The following DPP6 variants were observed in gnomAD, a reference collection of about 807,000 sequenced individuals.
DPP6 encodes the protein A-type potassium channel modulatory protein DPP6.
Under a neutral mutation model 122.6 loss-of-function variants are expected in DPP6, and 69 were observed. That is an observed-to-expected ratio of 0.56 (90% CI 0.46 to 0.69). DPP6 has a LOEUF of 0.69. Among genes scored for constraint, DPP6 ranks in the 30% least tolerant of loss-of-function variants. The pLI is 0.00. For synonymous variants in DPP6, 418 were observed against 433.1 expected, an observed-to-expected ratio of 0.97 and a Z score of 0.43; for missense variants, 928 against 1,116.9, an observed-to-expected ratio of 0.83 and a Z score of 2.41.
intron 1 of DPP6, among the ~76,000 whole-genome samples, chr7:154,433,135 A>ATT (rs1349065971): frequency 2.0e-5 from 2 of 97,836 alleles, no homozygotes; most frequent in African/African-American, 9.9e-5. Flanking sequence ...CTAGACTGCA[A>ATT]GTTTTTTTTT....
intron 5 of DPP6, among the ~76,000 whole-genome samples, chr7:154,630,433 G>A (rs1333578284): frequency 6.6e-6 from 1 of 152,226 alleles, no homozygotes; most frequent in Admixed American, 6.5e-5. Context: ...GGACAGTAAG[G>A]AAAATAAGCA....
chr7:154,456,160 G>A (rs542990202), intron 2 of DPP6, among the ~76,000 whole-genome samples: 4 of 152,170 alleles, frequency 2.6e-5, no homozygotes, highest in Admixed American at 6.5e-5. Context: ...TAAGCAGGTC[G>A]GGGAACTAGG....
At chr7:154,785,636 C>T (rs1722971830) in intron 10 of DPP6, among the ~76,000 whole-genome samples, 2 of 152,318 alleles carry the variant, frequency 1.3e-5, no homozygotes, top group African/African-American at 4.8e-5. Flanking sequence ...ACAGCAACTT[C>T]TGCATCTTTG....
chr7:153,789,775 G>T, the DPP6 span, among the ~76,000 whole-genome samples: 1 of 152,124 alleles, frequency 6.6e-6, no homozygotes, highest in Non-Finnish European at 1.5e-5. Flanking sequence ...CAACATAATT[G>T]CCTTTGTTAT....
intron 1 of DPP6, among the ~76,000 whole-genome samples, chr7:154,382,718 T>C (rs1244321293): frequency 6.6e-6 from 1 of 152,182 alleles, no homozygotes; most frequent in Non-Finnish European, 1.5e-5. Flanking sequence ...GTGGTATATA[T>C]TTTAGTATTC....
At chr7:154,515,753 C>T (rs928855938) in intron 3 of DPP6, among the ~76,000 whole-genome samples, 1 of 152,146 alleles carries the variant, frequency 6.6e-6, no homozygotes, top group Non-Finnish European at 1.5e-5. Context: ...GGATTACAGA[C>T]GTGAGCTATT....
Position 154,175,032 on chromosome 7 carries a change from G to GC in DPP6, c.243+121975dup, listed in dbSNP as rs568770629. 4.2e-3 allele frequency among the ~76,000 whole-genome samples: 632 copies of GC among 151,190 alleles called. 5 individuals carry two copies. The highest frequency in any genetic ancestry group is 7.1e-3 in the Non-Finnish European group (479 of 67,796). On this transcript the variant is annotated intron_variant, in intron 1 of 25. Coordinates refer to ENST00000377770, the MANE Select transcript of DPP6 (RefSeq NM_130797.4). Reference sequence around the variant, plus strand: ...GGGATTGCAGGCCCCTGCAACACGCGCCCCCCACCCCTGTCTAATTTTTGT... The same window carrying GC: ...GGGATTGCAGGCCCCTGCAACACGCGCCCCCCCACCCCTGTCTAATTTTTGT...
chr7:154,243,130 T>C (rs894792578), intron 1 of DPP6, among the ~76,000 whole-genome samples: 2 of 152,198 alleles, frequency 1.3e-5, no homozygotes, highest in South Asian at 2.1e-4. Context: ...GTAATTTCCC[T>C]GCTGCCAAAA....
chr7:153,924,496 G>T (rs1051626810), intron 1 of DPP6, among the ~76,000 whole-genome samples: 1 of 152,092 alleles, frequency 6.6e-6, no homozygotes, highest in East Asian at 1.9e-4. Flanking sequence ...TTAAACCATC[G>T]CTCCCTCCCT....
chr7:154,057,964 T>A (rs967697496), intron 1 of DPP6: 1 of 150,784 alleles, frequency 6.6e-6, no homozygotes, highest in African/African-American at 2.5e-5. Flanking sequence ...GCCCTGCTAG[T>A]ACAAGAAGCA....
intron 1 of DPP6, among the ~76,000 whole-genome samples, chr7:154,367,718 T>G (rs1295648210): frequency 1.3e-5 from 2 of 152,152 alleles, no homozygotes; most frequent in African/African-American, 4.8e-5. Flanking sequence ...GAAATCAGAG[T>G]GTGTAGCATG....
At chr7:153,956,116 G>C (rs1175557117) in intron 1 of DPP6, among the ~76,000 whole-genome samples, 4 of 152,250 alleles carry the variant, frequency 2.6e-5, no homozygotes, top group African/African-American at 9.6e-5. Flanking sequence ...GCCAAGGGTA[G>C]ACCCAATACA....
intron 1 of DPP6, among the ~76,000 whole-genome samples, chr7:154,445,017 T>G (rs1819736732): frequency 6.6e-6 from 1 of 152,234 alleles, no homozygotes; most frequent in Admixed American, 6.5e-5. Context: ...CCCATGAATT[T>G]TTCTTAATTT....
chr7:154,128,876 T>C (rs1180504076), intron 1 of DPP6, among the ~76,000 whole-genome samples: 3 of 150,036 alleles, frequency 2.0e-5, no homozygotes, highest in South Asian at 2.2e-4. Flanking sequence ...TCATGCAGCA[T>C]TTGCAACTTA....
chr7:154,006,683 C>T (rs890491617), intron 1 of DPP6, among the ~76,000 whole-genome samples: 11 of 152,088 alleles, frequency 7.2e-5, no homozygotes, highest in Admixed American at 2.0e-4. Context: ...ACCAGAAAAC[C>T]GAGGCTATGG....
chr7:154,002,507 C>T (rs900162309), intron 1 of DPP6, among the ~76,000 whole-genome samples: 16 of 152,178 alleles, frequency 1.1e-4, no homozygotes, highest in Admixed American at 5.9e-4. Context: ...GTCGCTGGCC[C>T]AATATCTAGG....
upstream of DPP6, among the ~76,000 whole-genome samples, chr7:154,049,421 G>A (rs1372951014): frequency 8.4e-6 from 1 of 119,636 alleles, no homozygotes; most frequent in Admixed American, 8.0e-5. Context: ...CTTTAAAATT[G>A]TATCACTTCA....
chr7:154,789,487 G>T (rs778821170), intron 10 of DPP6, among the ~76,000 whole-genome samples: 14 of 152,302 alleles, frequency 9.2e-5, no homozygotes, highest in Admixed American at 3.3e-4. Context: ...GACCTTGTCT[G>T]GTTTCACCAG....
chr7:153,989,360 A>T, intron 1 of DPP6, among the ~76,000 whole-genome samples: 1 of 150,066 alleles, frequency 6.7e-6, no homozygotes, highest in South Asian at 2.2e-4. Context: ...AGTGTGGGGG[A>T]GTGAGTATGG....
Sources: allele counts gnomAD v4.1 joint callset (sites outside exome capture counted in the v4.1 genomes callset), GRCh38; gene constraint gnomAD v4.1.1; transcripts MANE v1.5; gene names NCBI Gene and HGNC (gene_info 2026-07-23, HGNC 2026-07-21).